Variants in PCDH15 observed in about 807,000 individuals in gnomAD.
PCDH15 encodes protocadherin-15.
A neutral mutation model predicts 178.5 loss-of-function variants in PCDH15; 129 were observed. That is an observed-to-expected ratio of 0.72 (90% confidence interval 0.63 to 0.84). The LOEUF is 0.84. Among genes scored for constraint, PCDH15 ranks in the 40% least tolerant of loss-of-function variants. PCDH15 has a pLI of 0.00. For synonymous variants in PCDH15, 800 were observed against 732.0 expected, an observed-to-expected ratio of 1.09 and a Z score of -1.50; for missense variants, 2,230 against 2,099.9, an observed-to-expected ratio of 1.06 and a Z score of -1.21.
At chr10:55,147,155 G>T (rs1838539317) in intron 2 of PCDH15, among the ~76,000 whole-genome samples, 1 of 151,320 alleles carries the variant, frequency 6.6e-6, no homozygotes, top group Non-Finnish European at 1.5e-5. Context: ...AATATAAATA[G>T]AATATATTAT....
chr10:54,388,226 A>G (rs1273278610), intron 3 of PCDH15, among the ~76,000 whole-genome samples: 1 of 152,208 alleles, frequency 6.6e-6, no homozygotes, highest in Non-Finnish European at 1.5e-5. Flanking sequence ...GTTCATCAGC[A>G]TGAAGGGTCC....
At chr10:55,076,578 G>A (rs1841893928) in intron 2 of PCDH15, among the ~76,000 whole-genome samples, 1 of 151,184 alleles carries the variant, frequency 6.6e-6, no homozygotes, top group South Asian at 2.1e-4. Flanking sequence ...CAAAGTAGTT[G>A]GGACTATAGG....
At chr10:54,759,260 G>T (rs560594623) in intron 1 of PCDH15, among the ~76,000 whole-genome samples, 1 of 151,920 alleles carries the variant, frequency 6.6e-6, no homozygotes, top group African/African-American at 2.4e-5. Flanking sequence ...GAACACTACC[G>T]GGCAAACACC....
At chr10:54,040,712 G>A (rs998727997) in intron 18 of PCDH15, among the ~76,000 whole-genome samples, 23 of 151,918 alleles carry the variant, frequency 1.5e-4, no homozygotes, top group Admixed American at 2.6e-4. Flanking sequence ...GCCTGTCAGT[G>A]TGCACCATAC....
chr10:55,080,453 G>A (rs993126250), intron 2 of PCDH15, among the ~76,000 whole-genome samples: 1 of 152,078 alleles, frequency 6.6e-6, no homozygotes, highest in Non-Finnish European at 1.5e-5. Flanking sequence ...ACAAGTACCT[G>A]GTTCCAAAAA....
chr10:53,962,408 A>C (rs376177563), intron 21 of PCDH15, among the ~76,000 whole-genome samples: 2 of 152,158 alleles, frequency 1.3e-5, no homozygotes, highest in East Asian at 3.9e-4. Context: ...AAGTGCAGGA[A>C]TGGACATGAA....
chr10:53,974,138 C>T (rs563745609), intron 21 of PCDH15, among the ~76,000 whole-genome samples: 42 of 152,230 alleles, frequency 2.8e-4, no homozygotes, highest in African/African-American at 9.9e-4. Context: ...GTTCCTTAGC[C>T]TACCAAGTAG....
At chr10:55,529,807 T>G (rs1482831418) in intron 2 of PCDH15, among the ~76,000 whole-genome samples, 2 of 143,208 alleles carry the variant, frequency 1.4e-5, no homozygotes, top group Non-Finnish European at 3.0e-5. Context: ...TATATGTTTT[T>G]GACAGTCCCT....
At chr10:55,159,135 A>G (rs1838983275) in intron 2 of PCDH15, among the ~76,000 whole-genome samples, 1 of 151,884 alleles carries the variant, frequency 6.6e-6, no homozygotes, top group Non-Finnish European at 1.5e-5. Flanking sequence ...TATATTTCAG[A>G]TCTTCTGACT....
chr10:54,605,891 C>G (rs2092720145), intron 2 of PCDH15: 1 of 152,092 alleles, frequency 6.6e-6, no homozygotes, highest in South Asian at 2.1e-4. Flanking sequence ...CAGGTAGCAG[C>G]TGGAAAAGTT....
At chr10:54,973,780 A>G (rs1379266098) in intron 2 of PCDH15, among the ~76,000 whole-genome samples, 2 of 152,174 alleles carry the variant, frequency 1.3e-5, no homozygotes, top group Non-Finnish European at 2.9e-5. Flanking sequence ...AACAACCTCT[A>G]TCATGGAATA....
At chr10:55,520,401 C>G (rs4275526) in intron 2 of PCDH15, among the ~76,000 whole-genome samples, 48,860 of 128,516 alleles carry the variant, frequency 0.38, 11,270 homozygotes, top group East Asian at 0.82. Flanking sequence ...AGTACTGTAA[C>G]TACTATTTAT....
chr10:55,411,666 G>A (rs1838335555), intron 2 of PCDH15, among the ~76,000 whole-genome samples: 1 of 152,018 alleles, frequency 6.6e-6, no homozygotes, highest in Admixed American at 6.6e-5. Flanking sequence ...TACATCCTTA[G>A]AGGTAAATTG....
chr10:54,606,461 C>T (rs547585727), intron 2 of PCDH15: 2 of 152,258 alleles, frequency 1.3e-5, no homozygotes, highest in African/African-American at 2.4e-5. Flanking sequence ...ATGATTACAA[C>T]TCCTTTGAGC....
At chr10:55,160,048 T>C (rs1452982680) in intron 2 of PCDH15, among the ~76,000 whole-genome samples, 1 of 150,274 alleles carries the variant, frequency 6.7e-6, no homozygotes, top group Non-Finnish European at 1.5e-5. Flanking sequence ...AATTCCCCCA[T>C]GAAAGAGAAT....
At chr10:54,410,638 T>C (rs923796558) in intron 3 of PCDH15, among the ~76,000 whole-genome samples, 1 of 152,126 alleles carries the variant, frequency 6.6e-6, no homozygotes, top group Non-Finnish European at 1.5e-5. Flanking sequence ...TTGCAAATAA[T>C]CTCATTCACG....
At chr10:54,309,298 CACAA>C (rs1397326556) in intron 8 of PCDH15, among the ~76,000 whole-genome samples, 1 of 143,758 alleles carries the variant, frequency 7.0e-6, no homozygotes, top group Non-Finnish European at 1.5e-5. Flanking sequence ...TATTTATACA[CACAA>C]ACATATATAT....
At chr10:55,283,393 G>A (rs917861163) in intron 1 of PCDH15, among the ~76,000 whole-genome samples, 1 of 151,896 alleles carries the variant, frequency 6.6e-6, no homozygotes, top group African/African-American at 2.4e-5. Context: ...AATTCGTGGG[G>A]AGACTGATTT....
chr10:55,069,973 ACTGGTG>A (rs1841683881), intron 2 of PCDH15, among the ~76,000 whole-genome samples: 1 of 152,054 alleles, frequency 6.6e-6, no homozygotes, highest in African/African-American at 2.4e-5. Flanking sequence ...TGCCATTCTA[ACTGGTG>A]TGAGATGGTA....
Sources: gnomAD v4.1 joint callset for allele counts (sites outside exome capture counted in the v4.1 genomes callset) on GRCh38, gnomAD v4.1.1 for gene constraint, MANE v1.5 for transcripts, NCBI Gene and HGNC (gene_info 2026-07-23, HGNC 2026-07-21) for gene names.